Variants in DGKZ observed in about 807,000 individuals in gnomAD.
DGKZ encodes the protein DAG kinase zeta.
A neutral mutation model predicts 142.5 loss-of-function variants in DGKZ; 45 were observed. The observed-to-expected ratio is 0.32, with a 90% CI of 0.25 to 0.40. The LOEUF is 0.40. DGKZ is among the 10% of genes least tolerant of loss of function. DGKZ has a pLI of 1.00. For missense variants in DGKZ, 755 were observed against 1,306.5 expected, an observed-to-expected ratio of 0.58 and a Z score of 6.51; for synonymous variants, 442 against 527.0, an observed-to-expected ratio of 0.84 and a Z score of 2.21.
intron 6 of DGKZ, among the ~76,000 whole-genome samples, chr11:46,370,339 G>A (rs758201238): frequency 6.6e-6 from 1 of 152,358 alleles, no homozygotes; most frequent in South Asian, 2.1e-4. Context: ...GCTGGGCAGC[G>A]GTTTCCCACC....
intron 1 of DGKZ, among the ~76,000 whole-genome samples, chr11:46,352,024 G>C (rs2136408253): frequency 6.6e-6 from 1 of 152,340 alleles, no homozygotes; most frequent in African/African-American, 2.4e-5. Flanking sequence ...GTGACCCCTG[G>C]TGAGAGAAAG....
At chr11:46,339,861 G>T (rs1448403094) in intron 1 of DGKZ, among the ~76,000 whole-genome samples, 2 of 152,224 alleles carry the variant, frequency 1.3e-5, no homozygotes, top group Non-Finnish European at 2.9e-5. Context: ...AGGGACAAGG[G>T]TTAGTACCAA....
chr11:46,365,205 G>C, intron 1 of DGKZ: 1 of 985,432 alleles, frequency 1.0e-6, no homozygotes, highest in Non-Finnish European at 1.2e-6. Flanking sequence ...GCCTGCAGGA[G>C]GGAGCTCTGG....
intron 25 of DGKZ, chr11:46,377,839 C>G (rs1848553153): frequency 2.9e-6 from 1 of 349,626 alleles, no homozygotes; most frequent in Non-Finnish European, 5.3e-6. Flanking sequence ...GGAGCTCCCC[C>G]ACCCCCATCC....
intron 1 of DGKZ, among the ~76,000 whole-genome samples, chr11:46,352,628 G>T (rs1032639039): frequency 1.3e-5 from 2 of 152,238 alleles, no homozygotes; most frequent in African/African-American, 4.8e-5. Flanking sequence ...CCCAGGACAG[G>T]CTGACCACCT....
exon 30 of DGKZ, chr11:46,379,542 G>T: frequency 3.7e-6 from 6 of 1,610,852 alleles, no homozygotes; most frequent in Non-Finnish European, 5.1e-6. Context: ...GGAGGCCGGG[G>T]CCTCGCTCAT....
chr11:46,357,101 G>A (rs1382150598), intron 1 of DGKZ, among the ~76,000 whole-genome samples: 1 of 152,168 alleles, frequency 6.6e-6, no homozygotes, highest in Non-Finnish European at 1.5e-5. Context: ...CTAAAGGAAT[G>A]GGTTGGTCAT....
intron 24 of DGKZ, 82 bp downstream of exon 24, chr11:46,376,646 T>A (rs908885129): frequency 5.8e-6 from 9 of 1,557,960 alleles, no homozygotes; most frequent in Non-Finnish European, 5.3e-6. Context: ...CCCTGTTAGC[T>A]CCCCCGATGG....
intron 1 of DGKZ, chr11:46,365,112 G>C: frequency 1.0e-6 from 1 of 985,434 alleles, no homozygotes. Context: ...TGAGCTGGCA[G>C]AGGGAGCAAA....
At chr11:46,355,370 A>G (rs1401767233) in intron 1 of DGKZ, among the ~76,000 whole-genome samples, 1 of 151,740 alleles carries the variant, frequency 6.6e-6, no homozygotes, top group Non-Finnish European at 1.5e-5. Context: ...AGCCTCCCAA[A>G]GTGCTGGGAT....
chr11:46,378,665 C>A, intron 27 of DGKZ, 165 bp downstream of exon 27: 1 of 1,012,246 alleles, frequency 9.9e-7, no homozygotes. Context: ...TTCACTGTAT[C>A]TCTGTCTAGG....
At chr11:46,344,013 G>A (rs572003977), upstream of DGKZ, among the ~76,000 whole-genome samples, 1 of 151,628 alleles carries the variant, frequency 6.6e-6, no homozygotes, top group Admixed American at 6.6e-5. Flanking sequence ...GCAGTGGTGT[G>A]ATTTCAGCTT....
chr11:46,337,787 A>AC (rs111788696), intron 1 of DGKZ, among the ~76,000 whole-genome samples: 3,342 of 151,980 alleles, frequency 0.022, 128 homozygotes, highest in African/African-American at 0.077. Flanking sequence ...AAACAAACAA[A>AC]AAAAAAAATG....
chr11:46,347,277 A>G (rs574874145), upstream of DGKZ: 2 of 978,350 alleles, frequency 2.0e-6, no homozygotes, highest in African/African-American at 1.7e-5. The surrounding 1 kb of genome is among the most constrained non-coding windows in gnomAD (Gnocchi z 6.4). Flanking sequence ...GGCTGGGGGC[A>G]GGGCTTTCTG....
intron 1 of DGKZ, chr11:46,364,403 G>A (rs1434246978): frequency 7.8e-7 from 1 of 1,288,982 alleles, no homozygotes. Context: ...TGGTGATTTT[G>A]GGGGAGACCC....
Position 46,347,834 on chromosome 11 carries a change from C to T in DGKZ, c.161+14C>T. 1.6e-6 allele frequency: 2 copies of T among 1,279,808 alleles called. No homozygotes were observed. Among genetic ancestry groups the T allele is most frequent in the East Asian group, 3.2e-5 (1 of 31,692 alleles). 79.3% of individuals were successfully genotyped at this position (1,279,808 alleles called of 1,614,324 possible). A position where few individuals can be genotyped will look rare whatever the true frequency, so the allele number is the denominator to read the frequency against. On this transcript the variant is annotated intron_variant, in intron 1 of 30. Coordinates refer to ENST00000527911, the Ensembl canonical transcript of DGKZ. This position sits in a 1 kb window ranked among gnomAD's most constrained non-coding sequence, Gnocchi z 6.4. ...CTTCGGGCACAGGTGAGCGGGGCGG[C>T]GGCGGGGCAGGCACCGAGGCACCGG...
intron 25 of DGKZ, chr11:46,377,946 G>A: frequency 1.7e-6 from 1 of 571,940 alleles, no homozygotes; most frequent in Non-Finnish European, 3.1e-6. Context: ...ATTCTTAAGA[G>A]CACCCCTGCT....
At chr11:46,371,675 C>T (rs777582825) in intron 8 of DGKZ, 29 bp from the exon 9 acceptor site, 6 of 1,613,882 alleles carry the variant, frequency 3.7e-6, no homozygotes, top group African/African-American at 2.7e-5. Flanking sequence ...CTGCCCACCT[C>T]GTCACCAACA....
At chr11:46,359,809 G>A (rs1268134550) in intron 1 of DGKZ, among the ~76,000 whole-genome samples, 5 of 150,646 alleles carry the variant, frequency 3.3e-5, no homozygotes. Flanking sequence ...GTAGAGACGG[G>A]GTTTTGCCAT....
Sources: allele counts gnomAD v4.1 joint callset (sites outside exome capture counted in the v4.1 genomes callset), GRCh38; gene constraint gnomAD v4.1.1; non-coding constraint Gnocchi (gnomAD v3.1); transcripts MANE v1.5; gene names NCBI Gene and HGNC (gene_info 2026-07-23, HGNC 2026-07-21).